SUMF1: variants seen among roughly 807,000 people sequenced by gnomAD.
SUMF1 encodes formylglycine-generating enzyme.
A neutral mutation model predicts 47.6 loss-of-function variants in SUMF1; 48 were observed. That is an observed-to-expected ratio of 1.01 (90% confidence interval 0.80 to 1.28). SUMF1 has a LOEUF of 1.28. Among genes scored for constraint, SUMF1 ranks in the 50% most tolerant of loss-of-function variants. The pLI, the probability that SUMF1 is intolerant of heterozygous loss-of-function variation, is 0.00. For synonymous variants in SUMF1, 230 were observed against 192.1 expected (o/e 1.20, Z -1.63); for missense variants, 571 against 485.4 (o/e 1.18, Z -1.66).
intron 8 of SUMF1, among the ~76,000 whole-genome samples, chr3:4,212,135 G>T (rs1695812986): frequency 6.6e-6 from 1 of 152,200 alleles, no homozygotes; most frequent in Admixed American, 6.5e-5. Context: ...TCCTGACTGG[G>T]AGACACCTCC....
At chr3:4,063,213 C>T (rs942270979) in intron 9 of SUMF1, among the ~76,000 whole-genome samples, 1 of 151,944 alleles carries the variant, frequency 6.6e-6, no homozygotes, top group African/African-American at 2.4e-5. Flanking sequence ...TTTCTAAATG[C>T]CCACACATCA....
At chr3:4,428,920 A>T (rs1199447182) in intron 3 of SUMF1, among the ~76,000 whole-genome samples, 1 of 152,112 alleles carries the variant, frequency 6.6e-6, no homozygotes, top group Non-Finnish European at 1.5e-5. Context: ...GTTTTCATTG[A>T]TTTTATTGAA....
At chr3:4,306,623 A>G (rs940328727) in intron 8 of SUMF1, among the ~76,000 whole-genome samples, 1 of 152,344 alleles carries the variant, frequency 6.6e-6, no homozygotes, top group Non-Finnish European at 1.5e-5. Flanking sequence ...AACATGCTTG[A>G]AACATTTAAG....
intron 8 of SUMF1, among the ~76,000 whole-genome samples, chr3:4,288,027 A>C (rs932742240): frequency 1.3e-5 from 2 of 152,100 alleles, no homozygotes; most frequent in Non-Finnish European, 2.9e-5. Flanking sequence ...GAAAAATTTA[A>C]AGATGATCCC....
At chr3:4,214,825 A>G (rs531727647) in intron 8 of SUMF1, among the ~76,000 whole-genome samples, 2 of 152,162 alleles carry the variant, frequency 1.3e-5, no homozygotes, top group South Asian at 4.2e-4. Context: ...GGACACATAC[A>G]CCCTCCCAAC....
intron 8 of SUMF1, among the ~76,000 whole-genome samples, chr3:4,077,010 G>GA (rs1025441243): frequency 4.7e-5 from 7 of 149,394 alleles, no homozygotes; most frequent in Non-Finnish European, 8.9e-5. Flanking sequence ...TCTCAAAAAA[G>GA]AAAAAAAAAG....
chr3:4,178,532 A>G (rs1363418755), intron 8 of SUMF1, among the ~76,000 whole-genome samples: 1 of 152,138 alleles, frequency 6.6e-6, no homozygotes, highest in African/African-American at 2.4e-5. Flanking sequence ...GCATGGATGG[A>G]ATGTATCTCA....
At chr3:4,092,585 T>A (rs752412069) in intron 8 of SUMF1, among the ~76,000 whole-genome samples, 3 of 152,172 alleles carry the variant, frequency 2.0e-5, no homozygotes, top group Non-Finnish European at 2.9e-5. Flanking sequence ...CCATGTCATA[T>A]TCCTAGCCTG....
intron 8 of SUMF1, among the ~76,000 whole-genome samples, chr3:4,369,851 G>A (rs1310960015): frequency 6.6e-6 from 1 of 152,130 alleles, no homozygotes; most frequent in African/African-American, 2.4e-5. Flanking sequence ...GGATTTAGAG[G>A]GGAAGTTGAG....
At chr3:4,286,729 C>A (rs1195055720) in intron 8 of SUMF1, among the ~76,000 whole-genome samples, 2 of 152,062 alleles carry the variant, frequency 1.3e-5, no homozygotes, top group East Asian at 3.9e-4. Flanking sequence ...GTCAATAAGG[C>A]AAATGTAAAA....
At chr3:4,061,114 A>G (rs1695270593) in intron 9 of SUMF1, among the ~76,000 whole-genome samples, 1 of 152,206 alleles carries the variant, frequency 6.6e-6, no homozygotes, top group Non-Finnish European at 1.5e-5. Flanking sequence ...TTGAGCAAAG[A>G]ATAATTTGAG....
At chr3:4,197,025 T>A (rs2629247) in intron 8 of SUMF1, among the ~76,000 whole-genome samples, 1 of 151,938 alleles carries the variant, frequency 6.6e-6, no homozygotes, top group South Asian at 2.1e-4. Flanking sequence ...TGGACACTCC[T>A]AGACGAAACT....
chr3:4,447,928 A>C (rs1409247930), intron 3 of SUMF1, among the ~76,000 whole-genome samples: 1 of 152,136 alleles, frequency 6.6e-6, no homozygotes, highest in Non-Finnish European at 1.5e-5. Flanking sequence ...GGCAAATTAC[A>C]AAAATAAGCG....
chr3:4,397,846 A>G (rs1330477157), intron 7 of SUMF1, among the ~76,000 whole-genome samples: 1 of 152,136 alleles, frequency 6.6e-6, no homozygotes, highest in Admixed American at 6.6e-5. Flanking sequence ...ATAGCTTGCT[A>G]GCTTATTTCA....
At chr3:4,395,658 A>G (rs1445109511) in intron 7 of SUMF1, among the ~76,000 whole-genome samples, 1 of 152,200 alleles carries the variant, frequency 6.6e-6, no homozygotes, top group African/African-American at 2.4e-5. Flanking sequence ...ATGAATGAAA[A>G]CAGTCATTTC....
intron 8 of SUMF1, among the ~76,000 whole-genome samples, chr3:4,315,448 C>A (rs1361922805): frequency 1.3e-5 from 2 of 152,134 alleles, no homozygotes; most frequent in Admixed American, 1.3e-4. Context: ...ACACAAACAG[C>A]CCCCTCCAAC....
At chr3:4,134,837 T>A (rs559115674) in intron 8 of SUMF1, among the ~76,000 whole-genome samples, 2 of 152,176 alleles carry the variant, frequency 1.3e-5, no homozygotes, top group South Asian at 4.1e-4. Flanking sequence ...GAGAATACTA[T>A]AAACACCTCT....
intron 8 of SUMF1, among the ~76,000 whole-genome samples, chr3:4,099,302 C>A (rs1358173147): frequency 6.6e-6 from 1 of 152,018 alleles, no homozygotes; most frequent in Non-Finnish European, 1.5e-5. Context: ...AAGTTTGGTT[C>A]AACATACATA....
chr3:4,164,195 G>A (rs1222332614), intron 8 of SUMF1, among the ~76,000 whole-genome samples: 2 of 152,158 alleles, frequency 1.3e-5, no homozygotes, highest in Non-Finnish European at 2.9e-5. Flanking sequence ...GAGGAGGTGG[G>A]AGAAATACCT....
Sources: gnomAD v4.1 joint callset for allele counts (sites outside exome capture counted in the v4.1 genomes callset) on GRCh38, gnomAD v4.1.1 for gene constraint, MANE v1.5 for transcripts, NCBI Gene and HGNC (gene_info 2026-07-23, HGNC 2026-07-21) for gene names.